KCNH8: variants seen among roughly 807,000 people sequenced by gnomAD.
The protein encoded by KCNH8 is voltage-gated delayed rectifier potassium channel KCNH8.
Under a neutral mutation model 103.6 loss-of-function variants are expected in KCNH8, and 70 were observed. The ratio of observed to expected loss-of-function variants is 0.68; its 90% CI spans 0.56 to 0.82. The LOEUF is 0.82. Ranked by LOEUF, KCNH8 falls within the 40% of genes least tolerant of loss-of-function variation. The pLI is 0.00. For missense variants in KCNH8, 1,217 were observed against 1,329.9 expected (o/e 0.92, Z 1.32); for synonymous variants, 498 against 489.4 (o/e 1.02, Z -0.23).
intron 3 of KCNH8, among the ~76,000 whole-genome samples, chr3:19,316,592 G>T (rs1222104051): frequency 6.6e-6 from 1 of 151,934 alleles, no homozygotes; most frequent in South Asian, 2.1e-4. Context: ...TCCAAAAAGG[G>T]CTATCTCTCT....
chr3:19,412,781 C>T (rs1426622457), intron 7 of KCNH8, among the ~76,000 whole-genome samples: 1 of 151,854 alleles, frequency 6.6e-6, no homozygotes, highest in African/African-American at 2.4e-5. Context: ...AAAAAATGCT[C>T]AATATCACTA....
chr3:19,282,331 A>G (rs1284524236), intron 3 of KCNH8, among the ~76,000 whole-genome samples: 1 of 152,158 alleles, frequency 6.6e-6, no homozygotes, highest in African/African-American at 2.4e-5. Flanking sequence ...GAAGAGCCAT[A>G]TTAAAATTAA....
At chr3:19,165,575 G>T (rs1325025523) in intron 1 of KCNH8, among the ~76,000 whole-genome samples, 1 of 152,016 alleles carries the variant, frequency 6.6e-6, no homozygotes, top group Non-Finnish European at 1.5e-5. Context: ...CAGCCTTTTG[G>T]GTACTTTATT....
chr3:19,513,446 C>T (rs1284392291), intron 13 of KCNH8, 121 bp downstream of exon 13: 22 of 1,370,072 alleles, frequency 1.6e-5, no homozygotes, highest in Non-Finnish European at 2.2e-5. Context: ...GAATCCTCAG[C>T]TTTTCTGAGT....
At chr3:19,329,246 T>A (rs2065471648) in intron 3 of KCNH8, among the ~76,000 whole-genome samples, 1 of 152,194 alleles carries the variant, frequency 6.6e-6, no homozygotes, top group Non-Finnish European at 1.5e-5. Context: ...GCTGATCACA[T>A]ACTATATTCT....
chr3:19,270,248 C>T (rs2064569514), intron 2 of KCNH8, among the ~76,000 whole-genome samples: 1 of 152,104 alleles, frequency 6.6e-6, no homozygotes, highest in Admixed American at 6.6e-5. Context: ...AATATTTAGT[C>T]TCTGGTCCTT....
chr3:19,316,019 G>T (rs556553213), intron 3 of KCNH8, among the ~76,000 whole-genome samples: 3 of 152,032 alleles, frequency 2.0e-5, no homozygotes, highest in Admixed American at 6.6e-5. Flanking sequence ...TCCATTTATT[G>T]TGTGTGACCT....
chr3:19,424,326 T>A (rs1263732562), intron 7 of KCNH8, among the ~76,000 whole-genome samples: 1 of 152,014 alleles, frequency 6.6e-6, no homozygotes, highest in African/African-American at 2.4e-5. Context: ...AACCAACTGA[T>A]CTTCAACAAA....
intron 5 of KCNH8, among the ~76,000 whole-genome samples, chr3:19,388,421 C>T (rs763829929): frequency 3.3e-5 from 5 of 152,034 alleles, no homozygotes; most frequent in Non-Finnish European, 5.9e-5. Flanking sequence ...TCACATGCTA[C>T]TCTTACAGTC....
At chr3:19,379,544 GC>G (rs2066261038) in intron 5 of KCNH8, among the ~76,000 whole-genome samples, 1 of 152,022 alleles carries the variant, frequency 6.6e-6, no homozygotes, top group African/African-American at 2.4e-5. Context: ...GGAGGCTGAG[GC>G]AGGAGAACTG....
chr3:19,417,969 A>G (rs2066888850), intron 7 of KCNH8, among the ~76,000 whole-genome samples: 1 of 152,224 alleles, frequency 6.6e-6, no homozygotes, highest in South Asian at 2.1e-4. Context: ...ACACAAAAAT[A>G]TTGTAAAAAG....
chr3:19,239,650 C>G (rs529553508), intron 1 of KCNH8, among the ~76,000 whole-genome samples: 1 of 148,178 alleles, frequency 6.7e-6, no homozygotes, highest in Non-Finnish European at 1.5e-5. Flanking sequence ...ATCTATCTAT[C>G]TATCTATCTA....
intron 11 of KCNH8, among the ~76,000 whole-genome samples, chr3:19,500,393 C>G (rs1437062346): frequency 6.6e-6 from 1 of 152,104 alleles, no homozygotes; most frequent in Non-Finnish European, 1.5e-5. Flanking sequence ...AGAAAATCAA[C>G]AAGGATACCC....
intron 11 of KCNH8, among the ~76,000 whole-genome samples, chr3:19,497,871 C>G (rs750804042): frequency 2.6e-5 from 4 of 152,158 alleles, no homozygotes; most frequent in Non-Finnish European, 4.4e-5. Flanking sequence ...ATGTGGGAAT[C>G]AAAGTCTCTG....
chr3:19,170,683 CATATATACACACAT>C (rs1393535801), intron 1 of KCNH8, among the ~76,000 whole-genome samples: 1 of 140,658 alleles, frequency 7.1e-6, no homozygotes, highest in Non-Finnish European at 1.5e-5. Flanking sequence ...TACACACACA[CATATATACACACAT>C]ATATATACAC....
chr3:19,153,664 A>C, intron 1 of KCNH8, among the ~76,000 whole-genome samples: 1 of 120,392 alleles, frequency 8.3e-6, no homozygotes, highest in African/African-American at 3.3e-5. Flanking sequence ...GACGAGTCTC[A>C]CTCTGTCGCA....
intron 11 of KCNH8, among the ~76,000 whole-genome samples, chr3:19,478,685 A>G (rs897009296): frequency 6.6e-6 from 1 of 151,912 alleles, no homozygotes; most frequent in African/African-American, 2.4e-5. Flanking sequence ...TCTCGAAACA[A>G]CTCCAGTTAT....
Position 19,148,620 on chromosome 3 carries a change from C to T in KCNH8, c.-100C>T, listed in dbSNP as rs565439868. 9.8e-4 allele frequency: 1,146 copies of T among 1,173,644 alleles called. 3 individuals are homozygous for T. The highest frequency in any genetic ancestry group is 1.4e-3 in the Non-Finnish European group (1,060 of 778,592). The allele number at this position is 1,173,644 out of a possible 1,614,324, so 72.7% of individuals were successfully genotyped here. A position where few individuals can be genotyped will look rare whatever the true frequency, so the allele number is the denominator to read the frequency against. ...CCGCCGTCAGGCCGGGTCCCCCTTC[C>T]CTGCCGTCATCAGGTTCCCCTTCTC... is the stretch of plus-strand genomic sequence containing the variant. On this transcript the variant is annotated 5_prime_UTR_variant, in exon 1 of 16. Coordinates refer to ENST00000328405, the MANE Select transcript of KCNH8 (RefSeq NM_144633.3).
intron 5 of KCNH8, among the ~76,000 whole-genome samples, chr3:19,380,600 C>CATT (rs541669464): frequency 6.0e-4 from 91 of 152,296 alleles, no homozygotes; most frequent in African/African-American, 1.8e-3. Context: ...CTTGACTGAT[C>CATT]ATTAGGCTGT....
Sources: allele counts gnomAD v4.1 joint callset (sites outside exome capture counted in the v4.1 genomes callset), GRCh38; gene constraint gnomAD v4.1.1; transcripts MANE v1.5; gene names NCBI Gene and HGNC (gene_info 2026-07-23, HGNC 2026-07-21).